NALF1: variants seen among roughly 807,000 people sequenced by gnomAD.
NALF1 encodes family with sequence similarity 155 member A.
NALF1 carries 3 observed loss-of-function variants against 48.4 expected under a neutral mutation model. The observed-to-expected ratio is 0.06, with a 90% CI of 0.03 to 0.16. The LOEUF is 0.16. Among genes scored for constraint, NALF1 ranks in the 10% least tolerant of loss-of-function variants. The pLI, the probability that NALF1 is intolerant of heterozygous loss-of-function variation, is 1.00. For synonymous variants in NALF1, 262 were observed against 245.7 expected (o/e 1.07, Z -0.62); for missense variants, 526 against 571.5 (o/e 0.92, Z 0.81).
At chr13:107,338,720 A>G (rs1882607485) in intron 1 of NALF1, among the ~76,000 whole-genome samples, 1 of 152,228 alleles carries the variant, frequency 6.6e-6, no homozygotes, top group South Asian at 2.1e-4. Flanking sequence ...TTATTATTAC[A>G]TAATACAGTT....
chr13:107,860,826 G>A (rs1880551377), intron 1 of NALF1, among the ~76,000 whole-genome samples: 1 of 152,150 alleles, frequency 6.6e-6, no homozygotes, highest in South Asian at 2.1e-4. Flanking sequence ...ATATGTTAAT[G>A]AATTATGATT....
chr13:107,425,779 G>A (rs1224270559), intron 1 of NALF1, among the ~76,000 whole-genome samples: 4 of 152,074 alleles, frequency 2.6e-5, no homozygotes, highest in Non-Finnish European at 5.9e-5. Context: ...GGATCCCTCT[G>A]TAGTATGGTG....
intron 1 of NALF1, among the ~76,000 whole-genome samples, chr13:107,746,002 A>G (rs1286659202): frequency 6.6e-6 from 1 of 152,220 alleles, no homozygotes; most frequent in East Asian, 1.9e-4. Context: ...GGATTCTGGA[A>G]TTCCACTAAC....
At chr13:107,470,872 C>A (rs968088783) in intron 1 of NALF1, among the ~76,000 whole-genome samples, 1 of 151,946 alleles carries the variant, frequency 6.6e-6, no homozygotes, top group African/African-American at 2.4e-5. Context: ...TAACTACGAT[C>A]GTTAATAATT....
Position 107,170,203 on chromosome 13 carries a change from A to AAAAT in NALF1, c.*290_*293dup, listed in dbSNP as rs1878769170. ...ATAAATCCTGTATTAACAAGTGCAA[A>AAAAT]AAATAAACAAACAAATAAACCCAAA... On this transcript the variant is annotated 3_prime_UTR_variant, in exon 3 of 3. Coordinates refer to ENST00000375915, the MANE Select transcript of NALF1 (RefSeq NM_001080396.3). The AAAAT allele has an allele frequency of 2.4e-5, 7 of 291,526 alleles. No individual in the cohort carries two copies. The South Asian group carries it at 5.1e-4, about 21-fold the overall frequency. The allele number at this position is 291,526 out of a possible 1,614,324, so 18.1% of individuals were successfully genotyped here.
At chr13:107,394,378 T>C (rs116205595) in intron 1 of NALF1, among the ~76,000 whole-genome samples, 1 of 152,178 alleles carries the variant, frequency 6.6e-6, no homozygotes, top group Non-Finnish European at 1.5e-5. Context: ...TTTTGGTGTT[T>C]AAACTCTCTT....
intron 1 of NALF1, among the ~76,000 whole-genome samples, chr13:107,521,923 T>TTACACACACACACACACA (rs1189509578): frequency 1.3e-5 from 2 of 149,630 alleles, no homozygotes; most frequent in Non-Finnish European, 3.0e-5. Flanking sequence ...CTTCTTCAAC[T>TTACACACACACACACACA]TACACACACA....
intron 2 of NALF1, among the ~76,000 whole-genome samples, chr13:107,194,854 C>A (rs1194833821): frequency 1.3e-5 from 2 of 152,118 alleles, no homozygotes; most frequent in Admixed American, 6.6e-5. Flanking sequence ...CTACAAAGAA[C>A]TCAAATACAT....
intron 1 of NALF1, among the ~76,000 whole-genome samples, chr13:107,287,717 T>TG (rs1566475216): frequency 6.7e-6 from 1 of 149,374 alleles, no homozygotes; most frequent in East Asian, 1.9e-4. Context: ...TTTTTTTTTT[T>TG]TTTTTTGAGA....
chr13:107,208,959 GGC>G (rs1879699565), intron 2 of NALF1, among the ~76,000 whole-genome samples: 1 of 152,112 alleles, frequency 6.6e-6, no homozygotes, highest in African/African-American at 2.4e-5. Flanking sequence ...ATAACACACA[GGC>G]CTGTGAAATC....
chr13:107,526,664 T>C (rs1447650576), intron 1 of NALF1, among the ~76,000 whole-genome samples: 3 of 152,136 alleles, frequency 2.0e-5, no homozygotes, highest in Non-Finnish European at 4.4e-5. Flanking sequence ...ATAATTGATA[T>C]GATTTAAAGA....
At chr13:107,410,816 C>T (rs1300305696) in intron 1 of NALF1, among the ~76,000 whole-genome samples, 1 of 152,166 alleles carries the variant, frequency 6.6e-6, no homozygotes, top group East Asian at 1.9e-4. Flanking sequence ...ATTTCACATA[C>T]TCTGAAAAAT....
chr13:107,195,310 G>C (rs1251111358), intron 2 of NALF1, among the ~76,000 whole-genome samples: 2 of 152,178 alleles, frequency 1.3e-5, no homozygotes, highest in African/African-American at 4.8e-5. Flanking sequence ...CCAGGACTCT[G>C]CTTTCTCTCA....
intron 1 of NALF1, among the ~76,000 whole-genome samples, chr13:107,822,316 T>A (rs1391150673): frequency 9.9e-6 from 1 of 100,772 alleles, no homozygotes; most frequent in Non-Finnish European, 2.2e-5. Context: ...GCAAAAGTAT[T>A]TTTTTTTTTT....
chr13:107,865,591 C>CA lies in NALF1; in HGVS notation c.915+90dup, dbSNP rs1372504326. The CA allele has an allele frequency of 2.7e-6, 4 of 1,505,102 alleles. No individual in the cohort carries two copies. In the African/African-American group the frequency reaches 4.2e-5, roughly 16 times the overall value. 93.2% of individuals were successfully genotyped at this position (1,505,102 alleles called of 1,614,324 possible). A position where few individuals can be genotyped will look rare whatever the true frequency, so the allele number is the denominator to read the frequency against. The stretch of plus-strand genomic sequence containing the variant: ...AAACACAAAGTAACAAAACCATAGC[C>CA]AAAAAATAATAATAATAAACTTGAG... On this transcript the variant is annotated intron_variant, in intron 1 of 2. Transcript: ENST00000375915.
intron 1 of NALF1, among the ~76,000 whole-genome samples, chr13:107,859,973 C>G (rs575718526): frequency 2.0e-5 from 3 of 150,652 alleles, no homozygotes; most frequent in Non-Finnish European, 2.9e-5. Context: ...GAAGAAATTC[C>G]ACTATGTAGC....
At chr13:107,184,609 T>C (rs1337719436) in intron 2 of NALF1, among the ~76,000 whole-genome samples, 4 of 152,192 alleles carry the variant, frequency 2.6e-5, no homozygotes, top group African/African-American at 9.7e-5. Context: ...TCTTTTTCTA[T>C]CTAAATTCAT....
chr13:107,699,730 T>C (rs1015056191), intron 1 of NALF1, among the ~76,000 whole-genome samples: 2 of 152,110 alleles, frequency 1.3e-5, no homozygotes, highest in East Asian at 1.9e-4. Flanking sequence ...AGTAAAATTA[T>C]CTGTATTTAC....
intron 1 of NALF1, among the ~76,000 whole-genome samples, chr13:107,802,852 T>C (rs1878662598): frequency 6.6e-6 from 1 of 152,196 alleles, no homozygotes; most frequent in African/African-American, 2.4e-5. Flanking sequence ...TTTGAATGCT[T>C]ACCTTTAAGA....
Sources: gnomAD v4.1 joint callset for allele counts (sites outside exome capture counted in the v4.1 genomes callset) on GRCh38, gnomAD v4.1.1 for gene constraint, MANE v1.5 for transcripts, NCBI Gene and HGNC (gene_info 2026-07-23, HGNC 2026-07-21) for gene names.